RGL1: variants seen among roughly 807,000 people sequenced by gnomAD.
The protein encoded by RGL1 is ral guanine nucleotide dissociation stimulator like 1.
In RGL1, 24 loss-of-function variants were observed where a neutral mutation model predicts 95.2. That is an observed-to-expected ratio of 0.25 (90% CI 0.18 to 0.35). The LOEUF is 0.35. RGL1 is among the 10% of genes least tolerant of loss of function. The probability of loss-of-function intolerance (pLI) is 1.00; values close to 1 mark genes in which losing one functional copy is unlikely to be tolerated. For missense variants in RGL1, 715 were observed against 936.3 expected (o/e 0.76, Z 3.08); for synonymous variants, 329 against 344.9 (o/e 0.95, Z 0.51).
Position 183,762,048 on chromosome 1 carries a change from ATCT to A in RGL1, c.132+19763_132+19765del, listed in dbSNP as rs1459965852. On this transcript the variant is annotated intron_variant, in intron 2 of 18. Transcript: ENST00000304685. ...TAAAGGGAATTTTGTGGCTAGTTTG[ATCT>A]TCTGCCAGACCACTAAAACTTTCTG... Among the ~76,000 whole-genome samples, 10 of 152,156 alleles carry A rather than the reference ATCT, an allele frequency of 6.6e-5. 1 individual carries two copies. The highest frequency in any genetic ancestry group is 4.6e-4 in the Admixed American group (7 of 15,274).
chr1:183,855,161 C>T (rs1665056296), intron 3 of RGL1, among the ~76,000 whole-genome samples: 1 of 152,080 alleles, frequency 6.6e-6, no homozygotes, highest in African/African-American at 2.4e-5. Context: ...TTGGAAGGTC[C>T]AGCAGTGAAC....
intron 1 of RGL1, among the ~76,000 whole-genome samples, chr1:183,655,646 G>A (rs1052446037): frequency 1.3e-5 from 2 of 152,150 alleles, no homozygotes; most frequent in Non-Finnish European, 2.9e-5. Flanking sequence ...AGCTCGGGGG[G>A]TTATAAACAA....
intron 2 of RGL1, among the ~76,000 whole-genome samples, chr1:183,749,083 G>T (rs1657833970): frequency 1.3e-5 from 2 of 152,204 alleles, no homozygotes; most frequent in South Asian, 4.1e-4. Context: ...GTACTGAGAA[G>T]AATGTATATT....
At chr1:183,682,346 C>T (rs1653276765) in intron 1 of RGL1, among the ~76,000 whole-genome samples, 1 of 152,174 alleles carries the variant, frequency 6.6e-6, no homozygotes, top group Non-Finnish European at 1.5e-5. Flanking sequence ...TTAAATGTGT[C>T]CCAGAGATTC....
At chr1:183,819,839 C>T (rs920472467) in intron 2 of RGL1, among the ~76,000 whole-genome samples, 1 of 150,156 alleles carries the variant, frequency 6.7e-6, no homozygotes, top group African/African-American at 2.5e-5. Flanking sequence ...GTCTGGAGTA[C>T]AGTGGTGTGA....
intron 2 of RGL1, chr1:183,742,333 G>A (rs1186592164): frequency 6.2e-7 from 1 of 1,610,988 alleles, no homozygotes; most frequent in African/African-American, 1.3e-5. Context: ...TGTTGGATTT[G>A]TTTATACCTG....
chr1:183,870,061 C>T (rs186694219), intron 4 of RGL1, among the ~76,000 whole-genome samples: 7 of 152,248 alleles, frequency 4.6e-5, no homozygotes, highest in Admixed American at 1.3e-4. Flanking sequence ...TGTATTGGTT[C>T]GAACCCTAAA....
upstream of RGL1, among the ~76,000 whole-genome samples, chr1:183,801,140 A>ATT (rs1265093390): frequency 2.1e-5 from 2 of 93,616 alleles, no homozygotes; most frequent in Non-Finnish European, 4.4e-5. Flanking sequence ...AACACTTGTT[A>ATT]TTTTGTGTGT....
At chr1:183,775,891 G>A (rs1659565009) in intron 2 of RGL1, among the ~76,000 whole-genome samples, 1 of 152,020 alleles carries the variant, frequency 6.6e-6, no homozygotes, top group African/African-American at 2.4e-5. Flanking sequence ...AATTCCAGGT[G>A]GTAGTAATAG....
At chr1:183,853,792 C>CAATATCACCTTCCTTGATTTGTT (rs531258957) in intron 3 of RGL1, among the ~76,000 whole-genome samples, 225 of 152,256 alleles carry the variant, frequency 1.5e-3, no homozygotes, top group African/African-American at 5.2e-3. Context: ...TCCAAGTGTA[C>CAATATCACCTTCCTTGATTTGTT]AATATCACCT....
chr1:183,905,373 G>A (rs375404650), intron 13 of RGL1, among the ~76,000 whole-genome samples: 3 of 152,244 alleles, frequency 2.0e-5, no homozygotes, highest in South Asian at 2.1e-4. Flanking sequence ...TTTCCAGGAA[G>A]CTTTCAACCT....
intron 1 of RGL1, among the ~76,000 whole-genome samples, chr1:183,639,998 T>C (rs1649815102): frequency 6.6e-6 from 1 of 152,042 alleles, no homozygotes; most frequent in African/African-American, 2.4e-5. Flanking sequence ...CACACCACCA[T>C]GCCCAGCTAA....
intron 1 of RGL1, among the ~76,000 whole-genome samples, chr1:183,674,808 T>G (rs1308321641): frequency 1.3e-5 from 2 of 152,258 alleles, no homozygotes; most frequent in East Asian, 3.8e-4. Context: ...CTTTAATCTT[T>G]CATCTATCAA....
chr1:183,664,477 T>C (rs1651888477), intron 1 of RGL1, among the ~76,000 whole-genome samples: 1 of 152,114 alleles, frequency 6.6e-6, no homozygotes, highest in African/African-American at 2.4e-5. Context: ...TAAAGGAACT[T>C]GGGCTCAGAG....
Position 183,847,782 on chromosome 1 carries a change from T to A in RGL1, c.347+8T>A. 1 of 1,609,918 alleles carries A rather than the reference T, an allele frequency of 6.2e-7. No homozygotes were observed. Among genetic ancestry groups the A allele is most frequent in the Non-Finnish European group, 8.5e-7 (1 of 1,176,954 alleles). On this transcript the variant is annotated splice_region_variant and intron_variant, in intron 3 of 17. Transcript: ENST00000360851. Reference sequence around the variant, plus strand: ...GGAACTACTGCTGGACAGGTAAGAATGTAAAGGAGCTTTTGAGTTGAAAGA... The same window carrying A: ...GGAACTACTGCTGGACAGGTAAGAAAGTAAAGGAGCTTTTGAGTTGAAAGA...
Position 183,760,560 on chromosome 1 carries a change from A to G in RGL1, c.132+18271A>G, listed in dbSNP as rs1426148914. Among the ~76,000 whole-genome samples, 9 of 116,736 alleles carry G rather than the reference A, an allele frequency of 7.7e-5. No homozygotes were observed. The East Asian group carries it at 2.5e-3, about 33-fold the overall frequency. The allele number at this position is 116,736 out of a possible 152,430, so 76.6% of individuals were successfully genotyped here. Reference sequence around the variant, plus strand: ...TAGCCTGGGCCATATAGCAAGATCCAGTCTCTGCAAAAAAAAAAAAAAAAA... The same window carrying G: ...TAGCCTGGGCCATATAGCAAGATCCGGTCTCTGCAAAAAAAAAAAAAAAAA... On this transcript the variant is annotated intron_variant, in intron 2 of 18. Transcript: ENST00000304685.
intron 14 of RGL1, among the ~76,000 whole-genome samples, chr1:183,911,298 C>T (rs1355202910): frequency 6.6e-6 from 1 of 152,168 alleles, no homozygotes; most frequent in African/African-American, 2.4e-5. Flanking sequence ...GAACAGTCTC[C>T]CTGTTGTCTT....
At chr1:183,906,955 A>T in intron 13 of RGL1, 57 bp from the exon 14 acceptor site, 1 of 927,702 alleles carries the variant, frequency 1.1e-6, no homozygotes, top group Non-Finnish European at 1.8e-6. Context: ...ATGTGAATTT[A>T]AGTGTGTTTT....
intron 1 of RGL1, among the ~76,000 whole-genome samples, chr1:183,728,371 T>C (rs1656428541): frequency 6.6e-6 from 1 of 152,170 alleles, no homozygotes; most frequent in African/African-American, 2.4e-5. Context: ...GCCAATTCCA[T>C]ACATATATAG....
Sources: allele counts gnomAD v4.1 joint callset (sites outside exome capture counted in the v4.1 genomes callset), GRCh38; gene constraint gnomAD v4.1.1; transcripts MANE v1.5; gene names NCBI Gene and HGNC (gene_info 2026-07-23, HGNC 2026-07-21).